Variants in MAPKBP1 observed in about 807,000 individuals in gnomAD.
The protein encoded by MAPKBP1 is mitogen-activated protein kinase-binding protein 1.
A neutral mutation model predicts 170.5 loss-of-function variants in MAPKBP1; 71 were observed. The ratio of observed to expected loss-of-function variants is 0.42; its 90% CI spans 0.34 to 0.51. MAPKBP1 has a LOEUF of 0.51. Among genes scored for constraint, MAPKBP1 ranks in the 20% least tolerant of loss-of-function variants. The pLI is 0.06. For synonymous variants in MAPKBP1, 719 were observed against 757.9 expected, an observed-to-expected ratio of 0.95 and a Z score of 0.84; for missense variants, 1,598 against 1,933.0, an observed-to-expected ratio of 0.83 and a Z score of 3.25.
At chr15:41,804,920 G>T (rs2064663852) in intron 3 of MAPKBP1, among the ~76,000 whole-genome samples, 1 of 152,108 alleles carries the variant, frequency 6.6e-6, no homozygotes, top group Non-Finnish European at 1.5e-5. Flanking sequence ...TGATGTTGGG[G>T]GCCACCAGAT....
In MAPKBP1 at chr15:41,817,848, G is replaced by A. The variant is rs2064920311; in HGVS notation, c.1904+113G>A. The A allele has an allele frequency of 6.4e-7, 1 of 1,567,680 alleles. No homozygotes were observed. The highest frequency in any genetic ancestry group is 8.7e-7 in the Non-Finnish European group (1 of 1,146,774). ...TCTGTACAGGACTTTGTACCCCCTT[G>A]AGCCTACAGTACTTTGCTTCACCCA... On this transcript the variant is annotated intron_variant, in intron 16 of 30. Transcript: ENST00000457542. This position sits in a 1 kb window ranked among gnomAD's most constrained non-coding sequence, Gnocchi z 4.2.
chr15:41,815,642 T>C lies in MAPKBP1; in HGVS notation c.1336T>C (p.Tyr446His), dbSNP rs746920711. 2 of 1,613,686 alleles carry C rather than the reference T, an allele frequency of 1.2e-6. No homozygotes were observed. The highest frequency in any genetic ancestry group is 1.1e-5 in the South Asian group (1 of 91,018). ...ILSSDLIKII[Y>H]VDGNTQALLD... ...CCACTAGGACCTCATTAAAATCATC[T>C]ATGTGGATGGGAACACCCAGGCCCT... is the stretch of plus-strand genomic sequence containing the variant. The change falls in exon 12 of 31, where the codon TAT (tyrosine) becomes CAT (histidine). Residue 446 changes from tyrosine (Y) to histidine (H), a missense_variant. Coordinates refer to ENST00000457542, the MANE Select transcript of MAPKBP1 (RefSeq NM_014994.3).
In MAPKBP1 at chr15:41,805,204, G is replaced by A. The variant is rs549621905; in HGVS notation, c.206+5290G>A. The stretch of plus-strand genomic sequence containing the variant: ...TGGGCAGTGTGTCAGGCAGAGGTGG[G>A]TAGGAGCTCCAGGCTGAGCATGGAG... On this transcript the variant is annotated intron_variant, in intron 3 of 30. Transcript: ENST00000457542. Among the ~76,000 whole-genome samples, 20 of 152,342 alleles carry A rather than the reference G, an allele frequency of 1.3e-4. No individual in the cohort carries two copies. In the South Asian group the frequency reaches 3.3e-3, roughly 25 times the overall value.
rs957759946 is a variant in MAPKBP1 at position 41,821,715 on chromosome 15, C to T, written c.2850C>T (p.Tyr950=). ...CACCCATTGAAGATGGTATTGTCTA[C>T]CCGGAGCCGAGTGACAACCCCACCA... The part of the protein sequence containing the change: ...EPAPIEDGIV[Y]PEPSDNPTMD... The change falls in exon 24 of 31, where the codon TAC becomes TAT. Residue 950 remains tyrosine, a synonymous_variant. Coordinates refer to ENST00000457542, the MANE Select transcript of MAPKBP1 (RefSeq NM_014994.3). 6.2e-7 allele frequency: 1 copy of T among 1,614,134 alleles called. No individual in the cohort carries two copies.
chr15:41,816,369 A>C, intron 12 of MAPKBP1, 190 bp from the exon 13 acceptor site: 2 of 571,288 alleles, frequency 3.5e-6, no homozygotes, highest in South Asian at 4.7e-5. Context: ...CACTATCGTT[A>C]TGTAAGATGT....
chr15:41,782,137 C>T (rs1005595889), intron 2 of MAPKBP1, among the ~76,000 whole-genome samples: 7 of 150,394 alleles, frequency 4.7e-5, no homozygotes, highest in African/African-American at 1.7e-4. Context: ...TGGCGGGCGC[C>T]TGTAGGCCCA....
At position 41,823,714 on chromosome 15, in the gene MAPKBP1, A is replaced by G; in HGVS notation, c.3866A>G (p.His1289Arg). 1 of 1,614,050 alleles carries G rather than the reference A, an allele frequency of 6.2e-7. No individual in the cohort carries two copies. The highest frequency in any genetic ancestry group is 8.5e-7 in the Non-Finnish European group (1 of 1,179,988). ...LSKLALPSRA[H>R]LVLDIPKPLP... ...AAGCTGGCCCTGCCCAGCCGGGCTC[A>G]CCTGGTCCTGGACATCCCCAAACCA... The change falls in exon 29 of 31, where the codon CAC becomes CGC. Residue 1289 changes from histidine to arginine, a missense_variant. Transcript: ENST00000457542.
chr15:41,804,607 A>T (rs1567144202), intron 3 of MAPKBP1, among the ~76,000 whole-genome samples: 1 of 152,114 alleles, frequency 6.6e-6, no homozygotes, highest in Non-Finnish European at 1.5e-5. Context: ...TTTCTTCCTC[A>T]CACACCCCTG....
chr15:41,797,848 G>A (rs2064517950), intron 2 of MAPKBP1, among the ~76,000 whole-genome samples: 1 of 152,128 alleles, frequency 6.6e-6, no homozygotes, highest in South Asian at 2.1e-4. Flanking sequence ...CCTTTCTGGG[G>A]AATAGGTATT....
intron 8 of MAPKBP1, 37 bp from the exon 9 acceptor site, chr15:41,813,584 C>T: frequency 2.5e-6 from 4 of 1,605,102 alleles, no homozygotes; most frequent in Non-Finnish European, 2.6e-6. Flanking sequence ...ACTGAGTGGG[C>T]AGGTGGCCTT....
chr15:41,815,485 T>G, intron 11 of MAPKBP1, 80 bp downstream of exon 11: 6 of 1,580,714 alleles, frequency 3.8e-6, no homozygotes, highest in Non-Finnish European at 5.2e-6. Context: ...TACTGGGAAC[T>G]GGTCCCTAGG....
At chr15:41,811,879 C>T in intron 5 of MAPKBP1, 78 bp from the exon 6 acceptor site, 1 of 1,501,046 alleles carries the variant, frequency 6.7e-7, no homozygotes, top group African/African-American at 1.4e-5. Flanking sequence ...AGGCGAGGGC[C>T]CCGCTCTGGA....
chr15:41,808,105 C>CTTTTTTTTTTT (rs544983500), intron 3 of MAPKBP1, among the ~76,000 whole-genome samples: 3 of 109,458 alleles, frequency 2.7e-5, no homozygotes, highest in Non-Finnish European at 3.6e-5. Flanking sequence ...TTCTTTCTTT[C>CTTTTTTTTTTT]TTTTTTTTTT....
intron 2 of MAPKBP1, among the ~76,000 whole-genome samples, chr15:41,794,558 G>A (rs539984327): frequency 6.6e-6 from 1 of 152,224 alleles, no homozygotes; most frequent in Admixed American, 6.5e-5. Flanking sequence ...GTCGGTCATA[G>A]CCTTTCTGTC....
At chr15:41,811,831 CTT>C (rs2064811980) in intron 5 of MAPKBP1, 124 bp from the exon 6 acceptor site, 2 of 925,844 alleles carry the variant, frequency 2.2e-6, no homozygotes, top group Non-Finnish European at 3.4e-6. Flanking sequence ...CCTGCCCTGA[CTT>C]TTGGCTGGGG....
Position 41,826,959 on chromosome 15 carries a change from C to G in MAPKBP1, c.*1523C>G, listed in dbSNP as rs1459082812. On this transcript the variant is annotated 3_prime_UTR_variant, in exon 31 of 31. Coordinates refer to ENST00000457542, the MANE Select transcript of MAPKBP1 (RefSeq NM_014994.3). ...TACCACAGCTTCAGGCCACGAGAGC[C>G]CCTTCACCCGCCCTGCTGCGCCATA... The G allele has an allele frequency of 1.3e-5, 2 of 152,208 alleles. No homozygotes were observed. Among genetic ancestry groups the G allele is most frequent in the Non-Finnish European group, 2.9e-5 (2 of 68,104 alleles). 9.4% of individuals were successfully genotyped at this position (152,208 alleles called of 1,614,324 possible).
chr15:41,791,058 A>G (rs2064387645), intron 2 of MAPKBP1, among the ~76,000 whole-genome samples: 1 of 152,174 alleles, frequency 6.6e-6, no homozygotes, highest in Admixed American at 6.5e-5. Flanking sequence ...ACCTGCAGGA[A>G]GGGAGGGGAA....
At position 41,815,293 on chromosome 15, in the gene MAPKBP1, G is replaced by A. The variant is rs1053976577; in HGVS notation, c.1205G>A (p.Cys402Tyr). 18 of 1,614,072 alleles carry A rather than the reference G, an allele frequency of 1.1e-5. No individual in the cohort carries two copies. Among genetic ancestry groups the A allele is most frequent in the African/African-American group, 2.7e-5 (2 of 74,932 alleles). Residue 402 changes from cysteine (C) to tyrosine (Y), a missense_variant, in exon 11 of 31, where the codon TGC becomes TAC. Cys to Tyr is a radical substitution (Grantham distance 194). Around this residue, in one of 6 missense-constraint regions of MAPKBP1, gnomAD observed 430 missense variants for 617.2 expected, o/e 0.70. Transcript: ENST00000457542. Reference sequence around the variant, plus strand: ...GAGGTGAAGGATAGTAACCAGGCCTGCCTGCCCCCCAGTTCCTTTATTACC... The same window carrying A: ...GAGGTGAAGGATAGTAACCAGGCCTACCTGCCCCCCAGTTCCTTTATTACC... ...YPEVKDSNQA[C>Y]LPPSSFITCS...
intron 3 of MAPKBP1, among the ~76,000 whole-genome samples, chr15:41,807,725 A>G (rs2064724518): frequency 6.6e-6 from 1 of 152,208 alleles, no homozygotes; most frequent in Non-Finnish European, 1.5e-5. Context: ...CATATACTGC[A>G]TAAAGTATTA....
Sources: allele counts gnomAD v4.1 joint callset (sites outside exome capture counted in the v4.1 genomes callset), GRCh38; gene constraint gnomAD v4.1.1; regional missense constraint gnomAD v4.1.1; non-coding constraint Gnocchi (gnomAD v3.1); transcripts MANE v1.5; gene names NCBI Gene and HGNC (gene_info 2026-07-23, HGNC 2026-07-21).